CEP350: variants seen among roughly 807,000 people sequenced by gnomAD.
The protein encoded by CEP350 is centrosome-associated protein 350.
CEP350 carries 126 observed loss-of-function variants against 331.8 expected under a neutral mutation model. The ratio of observed to expected loss-of-function variants is 0.38; its 90% CI spans 0.33 to 0.44. CEP350 has a LOEUF of 0.44. CEP350 is among the 20% of genes least tolerant of loss of function. CEP350 has a pLI of 1.00. For synonymous variants in CEP350, 1,200 were observed against 1,259.5 expected (o/e 0.95, Z 1.00); for missense variants, 3,406 against 3,634.6 (o/e 0.94, Z 1.62).
intron 14 of CEP350, among the ~76,000 whole-genome samples, chr1:180,025,018 A>G (rs1042714867): frequency 4.0e-5 from 6 of 150,534 alleles, no homozygotes; most frequent in Non-Finnish European, 8.9e-5. Context: ...TCCGCCTCCC[A>G]GGTTCATGCC....
intron 37 of CEP350, among the ~76,000 whole-genome samples, chr1:180,109,933 C>A (rs1661385934): frequency 6.6e-6 from 1 of 152,226 alleles, no homozygotes; most frequent in South Asian, 2.1e-4. Flanking sequence ...CCGCACCCAG[C>A]CAATCTAATG....
chr1:180,070,015 G>A (rs1384290928), intron 27 of CEP350, among the ~76,000 whole-genome samples: 1 of 152,160 alleles, frequency 6.6e-6, no homozygotes, highest in Admixed American at 6.5e-5. Flanking sequence ...ATAGAGCAGT[G>A]ATTCTTAACT....
intron 14 of CEP350, among the ~76,000 whole-genome samples, chr1:180,030,315 G>A (rs998459870): frequency 4.2e-5 from 6 of 143,434 alleles, no homozygotes; most frequent in African/African-American, 7.6e-5. Context: ...GTGTATATAT[G>A]TATATATATA....
chr1:179,996,639 C>CT lies in CEP350; in HGVS notation c.483dup (p.Glu162Ter). 1 of 1,612,176 alleles carries CT rather than the reference C, an allele frequency of 6.2e-7. No homozygotes were observed. On this transcript the variant is annotated frameshift_variant, in exon 6 of 38. Coordinates refer to ENST00000367607, the MANE Select transcript of CEP350 (RefSeq NM_014810.5). LOFTEE classifies it high-confidence loss of function. ...TGTGTAGATGTTAATGAAGAAAAGACTGAGAGCGGTAACTGGATGATAGGC... is the reference window on the plus strand; with the variant it reads ...TGTGTAGATGTTAATGAAGAAAAGACTTGAGAGCGGTAACTGGATGATAGGC...
At position 180,036,915 on chromosome 1, in the gene CEP350, A is replaced by G. The variant is rs766520949; in HGVS notation, c.3947-11A>G. ...TTAACTTTTCCATTTGACCATTGTC[A>G]TGCCTTCCAGGTTCTAAGCGCTTTT... is the stretch of plus-strand genomic sequence containing the variant. On this transcript the variant is annotated splice_polypyrimidine_tract_variant and intron_variant, in intron 16 of 37. Transcript: ENST00000367607. 1 of 1,526,588 alleles carries G rather than the reference A, an allele frequency of 6.6e-7. No homozygotes were observed. Among genetic ancestry groups the G allele is most frequent in the South Asian group, 1.3e-5 (1 of 77,106 alleles). 94.6% of individuals were successfully genotyped at this position (1,526,588 alleles called of 1,614,324 possible).
intron 31 of CEP350, 140 bp from the exon 32 acceptor site, chr1:180,087,438 C>A: frequency 1.5e-6 from 1 of 674,818 alleles, no homozygotes; most frequent in Non-Finnish European, 2.3e-6. Context: ...GAGAATGATG[C>A]TGAGGGGGGC....
chr1:180,073,640 A>G (rs866049705), intron 27 of CEP350: 5 of 232,498 alleles, frequency 2.2e-5, no homozygotes, highest in African/African-American at 1.2e-4. Flanking sequence ...TGTCACACAG[A>G]GTGTAATGCC....
intron 27 of CEP350, among the ~76,000 whole-genome samples, chr1:180,067,985 A>C (rs1485611414): frequency 6.6e-6 from 1 of 152,182 alleles, no homozygotes; most frequent in Non-Finnish European, 1.5e-5. Context: ...AATCATTTGA[A>C]CCTCTGCTAC....
intron 27 of CEP350, among the ~76,000 whole-genome samples, chr1:180,070,404 C>T (rs901797351): frequency 6.6e-6 from 1 of 152,030 alleles, no homozygotes; most frequent in African/African-American, 2.4e-5. Context: ...TCTCATTTAA[C>T]GTCACATGGT....
intron 33 of CEP350, among the ~76,000 whole-genome samples, chr1:180,091,255 G>T (rs539154726): frequency 2.5e-4 from 38 of 151,422 alleles, no homozygotes; most frequent in African/African-American, 8.7e-4. Context: ...TTGGACTCAC[G>T]CAGTCCTCCC....
At chr1:180,071,955 T>C (rs1457192060) in intron 27 of CEP350, among the ~76,000 whole-genome samples, 1 of 152,234 alleles carries the variant, frequency 6.6e-6, no homozygotes, top group Non-Finnish European at 1.5e-5. Context: ...AAGCATTTTG[T>C]ATTAGTCGGC....
At chr1:180,077,870 A>G (rs1466685757) in intron 28 of CEP350, among the ~76,000 whole-genome samples, 2 of 152,136 alleles carry the variant, frequency 1.3e-5, no homozygotes, top group Non-Finnish European at 2.9e-5. Context: ...ATGGTGGCTC[A>G]CGCCTGTAAT....
intron 15 of CEP350, among the ~76,000 whole-genome samples, chr1:180,031,970 T>G (rs538062552): frequency 6.6e-6 from 1 of 152,242 alleles, no homozygotes; most frequent in South Asian, 2.1e-4. Context: ...ACACAGCTAC[T>G]TAGCATCCTT....
At chr1:180,074,838 T>C (rs1337082350) in intron 27 of CEP350, among the ~76,000 whole-genome samples, 184 bp from the exon 28 acceptor site, 3 of 152,224 alleles carry the variant, frequency 2.0e-5, no homozygotes, top group African/African-American at 7.2e-5. Context: ...ATAAATTCCC[T>C]CATTTTCTGA....
chr1:180,003,258 T>C lies in CEP350; in HGVS notation c.1103T>C (p.Leu368Pro), dbSNP rs746244281. The C allele has an allele frequency of 1.2e-6, 2 of 1,611,782 alleles. No individual in the cohort carries two copies. The highest frequency in any genetic ancestry group is 1.7e-5 in the Admixed American group (1 of 59,704). Residue 368 changes from leucine to proline, a missense_variant, in exon 7 of 38, where the codon CTG becomes CCG. Physicochemically the swap from Leu to Pro is moderately conservative, Grantham distance 98. Around this residue, in one of 5 missense-constraint regions of CEP350, gnomAD observed 1,857 missense variants for 1,909.2 expected, o/e 0.97. Coordinates refer to ENST00000367607, the MANE Select transcript of CEP350 (RefSeq NM_014810.5). ...GAGTTTCAAAACATGAGTAGAGAACTGTATCGAGATTTAGCACTTCACTTT... is the reference window on the plus strand; with the variant it reads ...GAGTTTCAAAACATGAGTAGAGAACCGTATCGAGATTTAGCACTTCACTTT... ...EAEFQNMSRE[L>P]YRDLALHFAD...
chr1:180,060,748 G>A (rs1434854949), intron 25 of CEP350, among the ~76,000 whole-genome samples: 2 of 152,034 alleles, frequency 1.3e-5, no homozygotes, highest in Non-Finnish European at 2.9e-5. Flanking sequence ...GCGTAAATTA[G>A]CATGGTGAAA....
intron 1 of CEP350, among the ~76,000 whole-genome samples, chr1:179,960,253 C>G: frequency 7.4e-6 from 1 of 135,544 alleles, no homozygotes. Flanking sequence ...TCACCTAATG[C>G]GTGCACCTCT....
Position 180,041,192 on chromosome 1 carries a change from C to G in CEP350, c.4165C>G (p.Gln1389Glu), listed in dbSNP as rs1245732367. ...DLALLKLKAE[Q>E]EALESQRQLE... ...GGCCCTCTTGAAACTAAAGGCTGAACAAGAGGCTCTGGAGAGTCAGAGACA... is the reference window on the plus strand; with the variant it reads ...GGCCCTCTTGAAACTAAAGGCTGAAGAAGAGGCTCTGGAGAGTCAGAGACA... The change falls in exon 18 of 38, where the codon CAA becomes GAA. Residue 1389 changes from glutamine to glutamate, a missense_variant. By Grantham distance (29) the Gln-to-Glu change is conservative. Coordinates refer to ENST00000367607, the MANE Select transcript of CEP350 (RefSeq NM_014810.5). 9 of 1,598,782 alleles carry G rather than the reference C, an allele frequency of 5.6e-6. No homozygotes were observed. The highest frequency in any genetic ancestry group is 7.7e-6 in the Non-Finnish European group (9 of 1,172,596).
At position 180,020,298 on chromosome 1, in the gene CEP350, G is replaced by A; in HGVS notation, c.2524G>A (p.Glu842Lys). ...AASLSSRIESEAKKLAGASIN... is the reference protein window; with the variant it reads ...AASLSSRIESKAKKLAGASIN... ...TTCTTTGTCCAGCAGAATTGAAAGT[G>A]AAGCCAAGAAATTAGCTGGGGCCAG... Residue 842 changes from glutamate (E) to lysine (K), a missense_variant, in exon 12 of 38, where the codon GAA (glutamate) becomes AAA (lysine). Glu to Lys is a moderately conservative substitution (Grantham distance 56). Transcript: ENST00000367607. The A allele has an allele frequency of 6.2e-7, 1 of 1,614,006 alleles. No homozygotes were observed.
Sources: allele counts gnomAD v4.1 joint callset (sites outside exome capture counted in the v4.1 genomes callset), GRCh38; gene constraint gnomAD v4.1.1; regional missense constraint gnomAD v4.1.1; transcripts MANE v1.5; gene names NCBI Gene and HGNC (gene_info 2026-07-23, HGNC 2026-07-21).